The following RBMS3 variants were observed in gnomAD, a reference collection of about 807,000 sequenced individuals.
RBMS3 encodes the protein RNA binding motif single stranded interacting protein 3, also known as RNA-binding motif, single-stranded-interacting protein 3.
Under a neutral mutation model 66.8 loss-of-function variants are expected in RBMS3, and 27 were observed. That is an observed-to-expected ratio of 0.40 (90% CI 0.30 to 0.56). RBMS3 has a LOEUF of 0.56. RBMS3 is among the 20% of genes least tolerant of loss of function. The pLI, the probability that RBMS3 is intolerant of heterozygous loss-of-function variation, is 0.40. For synonymous variants in RBMS3, 188 were observed against 183.0 expected (o/e 1.03, Z -0.22); for missense variants, 513 against 549.5 (o/e 0.93, Z 0.66).
chr3:29,605,156 T>C (rs1353722174), intron 4 of RBMS3, among the ~76,000 whole-genome samples: 3 of 151,874 alleles, frequency 2.0e-5, no homozygotes, highest in South Asian at 2.1e-4. Context: ...TTGCTTTTCC[T>C]CCTTTGAAAT....
intron 8 of RBMS3, among the ~76,000 whole-genome samples, chr3:29,886,382 C>T (rs1218877829): frequency 2.0e-5 from 3 of 151,788 alleles, no homozygotes; most frequent in African/African-American, 2.4e-5. Flanking sequence ...AGCTGGGAAT[C>T]GAATGCCAGT....
chr3:29,845,400 T>A (rs1469846556), intron 6 of RBMS3, among the ~76,000 whole-genome samples: 1 of 152,206 alleles, frequency 6.6e-6, no homozygotes, highest in African/African-American at 2.4e-5. Context: ...TAGTAAGCCC[T>A]CTAAAAATAT....
chr3:29,544,699 A>ATGTGTGTG (rs138879910), intron 3 of RBMS3, among the ~76,000 whole-genome samples: 21 of 150,664 alleles, frequency 1.4e-4, no homozygotes, highest in African/African-American at 4.7e-4. Context: ...TGAAATGTAA[A>ATGTGTGTG]TGTGTGTGTG....
At chr3:29,913,013 G>A (rs755797617) in intron 10 of RBMS3, among the ~76,000 whole-genome samples, 11 of 151,824 alleles carry the variant, frequency 7.2e-5, no homozygotes, top group Non-Finnish European at 1.3e-4. Flanking sequence ...GAGTGCTTGA[G>A]AGGCAAATTT....
chr3:29,594,208 C>T (rs542621385), intron 4 of RBMS3, among the ~76,000 whole-genome samples: 108 of 152,046 alleles, frequency 7.1e-4, no homozygotes, highest in African/African-American at 2.3e-3. Flanking sequence ...ACCATCATTT[C>T]CCCCCTTTTT....
chr3:29,431,538 T>A (rs575645098), intron 1 of RBMS3, among the ~76,000 whole-genome samples: 2 of 151,834 alleles, frequency 1.3e-5, no homozygotes, highest in South Asian at 2.1e-4. Flanking sequence ...TGATCCGCCC[T>A]CCTCAGCCTC....
At chr3:29,429,438 A>T (rs1441016599) in intron 1 of RBMS3, among the ~76,000 whole-genome samples, 1 of 152,122 alleles carries the variant, frequency 6.6e-6, no homozygotes, top group Admixed American at 6.5e-5. Flanking sequence ...CATAATCCCT[A>T]ACAGAACCTT....
intron 3 of RBMS3, among the ~76,000 whole-genome samples, chr3:29,509,736 A>C (rs1219273468): frequency 6.6e-6 from 1 of 152,178 alleles, no homozygotes; most frequent in Non-Finnish European, 1.5e-5. Flanking sequence ...GTATACCCAG[A>C]ATTTAGCAAG....
At chr3:29,591,459 C>T (rs966968054) in intron 4 of RBMS3, among the ~76,000 whole-genome samples, 7 of 152,174 alleles carry the variant, frequency 4.6e-5, no homozygotes, top group African/African-American at 1.7e-4. Flanking sequence ...TTATTGATCT[C>T]AAATACATAT....
At chr3:29,409,557 A>T (rs2040178915) in intron 1 of RBMS3, among the ~76,000 whole-genome samples, 1 of 152,224 alleles carries the variant, frequency 6.6e-6, no homozygotes, top group Admixed American at 6.5e-5. Flanking sequence ...GGGTTCCAAA[A>T]GGCTGAGTAG....
chr3:29,836,723 A>C (rs918008247), intron 6 of RBMS3, among the ~76,000 whole-genome samples: 2 of 151,752 alleles, frequency 1.3e-5, no homozygotes, highest in Admixed American at 6.6e-5. Context: ...ACACACAATA[A>C]AATGTAACTA....
intron 4 of RBMS3, among the ~76,000 whole-genome samples, chr3:29,594,030 T>A (rs997865923): frequency 1.3e-5 from 2 of 152,194 alleles, no homozygotes; most frequent in African/African-American, 2.4e-5. Flanking sequence ...TTTGAACATG[T>A]ATCTAAAAGA....
chr3:29,621,857 C>A (rs1253321515), intron 4 of RBMS3, among the ~76,000 whole-genome samples: 2 of 152,044 alleles, frequency 1.3e-5, no homozygotes, highest in African/African-American at 4.8e-5. Flanking sequence ...AAGAAAAAAA[C>A]CCACTTTATG....
intron 12 of RBMS3, among the ~76,000 whole-genome samples, chr3:29,950,430 T>C (rs528159095): frequency 6.6e-6 from 1 of 151,982 alleles, no homozygotes; most frequent in South Asian, 2.1e-4. Context: ...AGTAAGCTAA[T>C]TGCGTGTGCA....
In RBMS3 at chr3:29,884,206, T is replaced by G. The variant is rs1386107052; in HGVS notation, c.789T>G (p.Asn263Lys). 6.2e-7 allele frequency: 1 copy of G among 1,609,468 alleles called. No homozygotes were observed. Among genetic ancestry groups the G allele is most frequent in the Admixed American group, 1.7e-5 (1 of 59,790 alleles). Reference sequence around the variant, plus strand: ...ATGACCCCACAGCTGCCATACAGAATGGGTAAGTAGATCACATTTTCTCTA... The same window carrying G: ...ATGACCCCACAGCTGCCATACAGAAGGGGTAAGTAGATCACATTTTCTCTA... The part of the protein sequence containing the change: ...LTYDPTAAIQ[N>K]GFYSSPYSIA... Residue 263 changes from asparagine to lysine, a missense_variant and splice_region_variant, in exon 8 of 15, where the codon AAT becomes AAG. Transcript: ENST00000383767.
At chr3:29,844,031 G>A (rs1423079954) in intron 6 of RBMS3, among the ~76,000 whole-genome samples, 1 of 151,540 alleles carries the variant, frequency 6.6e-6, no homozygotes, top group Non-Finnish European at 1.5e-5. Context: ...AAAAACTGTT[G>A]ACTGAAACAT....
chr3:29,672,146 A>G (rs557636945), intron 4 of RBMS3, among the ~76,000 whole-genome samples: 39 of 152,294 alleles, frequency 2.6e-4, no homozygotes, highest in African/African-American at 9.1e-4. Context: ...ATTCTTAAAG[A>G]AAAGAATTTT....
At chr3:29,383,587 C>T (rs1311800374) in intron 1 of RBMS3, among the ~76,000 whole-genome samples, 1 of 152,136 alleles carries the variant, frequency 6.6e-6, no homozygotes, top group African/African-American at 2.4e-5. Context: ...ACTTGGGAGC[C>T]AAGGAATAGG....
chr3:29,542,363 T>TA (rs904410137), intron 3 of RBMS3, among the ~76,000 whole-genome samples: 12 of 151,326 alleles, frequency 7.9e-5, no homozygotes, highest in Admixed American at 7.9e-4. Context: ...CATCTCCAAT[T>TA]TTTTTTTGTT....
Sources: gnomAD v4.1 joint callset for allele counts (sites outside exome capture counted in the v4.1 genomes callset) on GRCh38, gnomAD v4.1.1 for gene constraint, MANE v1.5 for transcripts, NCBI Gene and HGNC (gene_info 2026-07-23, HGNC 2026-07-21) for gene names.